HS6ST3: variants seen among roughly 807,000 people sequenced by gnomAD.
HS6ST3 encodes heparan sulfate 6-O-sulfotransferase 3.
In HS6ST3, 12 loss-of-function variants were observed where a neutral mutation model predicts 36.7. The observed-to-expected ratio is 0.33, with a 90% CI of 0.21 to 0.53. The LOEUF (loss-of-function observed/expected upper bound fraction) is 0.53. HS6ST3 is among the 20% of genes least tolerant of loss of function. The pLI is 0.95. For missense variants in HS6ST3, 584 were observed against 640.9 expected, an observed-to-expected ratio of 0.91 and a Z score of 0.96; for synonymous variants, 240 against 257.5, an observed-to-expected ratio of 0.93 and a Z score of 0.65.
At chr13:96,271,335 A>G (rs747781341) in intron 1 of HS6ST3, among the ~76,000 whole-genome samples, 3 of 151,960 alleles carry the variant, frequency 2.0e-5, no homozygotes, top group Non-Finnish European at 2.9e-5. Flanking sequence ...CATATAATTA[A>G]TTTAAAATTT....
chr13:96,619,888 C>T (rs2056487975), intron 1 of HS6ST3, among the ~76,000 whole-genome samples: 1 of 152,152 alleles, frequency 6.6e-6, no homozygotes, highest in South Asian at 2.1e-4. Context: ...ATATCAGTGG[C>T]AGTATTGGTG....
At chr13:96,535,147 G>A (rs2056150206) in intron 1 of HS6ST3, among the ~76,000 whole-genome samples, 1 of 152,094 alleles carries the variant, frequency 6.6e-6, no homozygotes, top group African/African-American at 2.4e-5. Context: ...CTGGGACTGG[G>A]GTAGAAACAT....
chr13:96,645,209 G>A lies in HS6ST3; in HGVS notation c.708-187281G>A, dbSNP rs181795299. 5.2e-3 allele frequency among the ~76,000 whole-genome samples: 791 copies of A among 151,960 alleles called. 8 individuals carry two copies. The highest frequency in any genetic ancestry group is 0.018 in the African/African-American group (753 of 41,490). On this transcript the variant is annotated intron_variant, in intron 1 of 1. Transcript: ENST00000376705. ...GATAGAAAGTTTAGCACAATCTTGG[G>A]TATGTACTAAAGCCAGTTGTGTTCT...
At position 96,366,448 on chromosome 13, in the gene HS6ST3, C is replaced by CAAAT. The variant is rs3086049; in HGVS notation, c.707+274903_707+274906dup. 5.9e-3 allele frequency among the ~76,000 whole-genome samples: 883 copies of CAAAT among 148,598 alleles called. 5 individuals carry two copies. The highest frequency in any genetic ancestry group is 0.018 in the African/African-American group (730 of 40,128). On this transcript the variant is annotated intron_variant, in intron 1 of 1. Coordinates refer to ENST00000376705, the MANE Select transcript of HS6ST3 (RefSeq NM_153456.4). ...TGGGTGACATAGCAAGACCTTGTCT[C>CAAAT]AAATAAATAAATAAATAAATAAATA... is the stretch of plus-strand genomic sequence containing the variant.
chr13:96,376,600 C>G (rs2055316162), intron 1 of HS6ST3, among the ~76,000 whole-genome samples: 2 of 152,152 alleles, frequency 1.3e-5, no homozygotes, highest in Non-Finnish European at 2.9e-5. Flanking sequence ...TCTACCTTTA[C>G]CGTTATCTAT....
chr13:96,271,448 A>C (rs2054719730), intron 1 of HS6ST3, among the ~76,000 whole-genome samples: 1 of 151,942 alleles, frequency 6.6e-6, no homozygotes, highest in Non-Finnish European at 1.5e-5. Flanking sequence ...CACATCACTG[A>C]CAATCACACA....
At chr13:96,510,669 G>T (rs1325919479) in intron 1 of HS6ST3, among the ~76,000 whole-genome samples, 1 of 152,008 alleles carries the variant, frequency 6.6e-6, no homozygotes, top group African/African-American at 2.4e-5. Context: ...GATTGTTCCT[G>T]CTCCTTAGTT....
chr13:96,278,148 T>C (rs1024717049), intron 1 of HS6ST3, among the ~76,000 whole-genome samples: 1 of 152,088 alleles, frequency 6.6e-6, no homozygotes, highest in Non-Finnish European at 1.5e-5. Flanking sequence ...CTCCCAGGAG[T>C]AGAACTGCCA....
intron 1 of HS6ST3, among the ~76,000 whole-genome samples, chr13:96,457,685 G>A (rs1016872377): frequency 6.6e-6 from 1 of 152,060 alleles, no homozygotes; most frequent in Non-Finnish European, 1.5e-5. Context: ...TGCTTAGTTT[G>A]CCCTCTGCTG....
At chr13:96,346,403 T>C (rs560571745) in intron 1 of HS6ST3, among the ~76,000 whole-genome samples, 1 of 152,022 alleles carries the variant, frequency 6.6e-6, no homozygotes, top group East Asian at 1.9e-4. Flanking sequence ...TGAAACCCTA[T>C]CTCTCCTAAA....
rs2139289515 is a variant in HS6ST3, at chr13:96,091,373, C to T, written c.511C>T (p.Leu171=). 6.2e-7 allele frequency: 1 copy of T among 1,614,056 alleles called. No individual in the cohort carries two copies. The highest frequency in any genetic ancestry group is 2.2e-5 in the East Asian group (1 of 44,842). Residue 171 remains leucine (L), a synonymous_variant, in exon 1 of 2, where the codon CTG becomes TTG. Transcript: ENST00000376705. Reference sequence around the variant, plus strand: ...CCGGCACCTGGTGAAGAACATCCGGCTGGAGCAGCCTTGTAGCTGCAAAGC... The same window carrying T: ...CCGGCACCTGGTGAAGAACATCCGGTTGGAGCAGCCTTGTAGCTGCAAAGC... The part of the protein sequence containing the change: ...FGRHLVKNIR[L]EQPCSCKAGQ...
intron 1 of HS6ST3, among the ~76,000 whole-genome samples, chr13:96,518,158 T>A (rs1420630765): frequency 6.6e-6 from 1 of 152,180 alleles, no homozygotes; most frequent in Non-Finnish European, 1.5e-5. Flanking sequence ...ACCATTTGGG[T>A]TTCCTTGAAA....
chr13:96,231,563 C>G (rs1001369412), intron 1 of HS6ST3, among the ~76,000 whole-genome samples: 1 of 152,020 alleles, frequency 6.6e-6, no homozygotes, highest in Non-Finnish European at 1.5e-5. Context: ...CTCATGATAA[C>G]TCACTATCAT....
chr13:96,662,010 C>G (rs1305469678), intron 1 of HS6ST3, among the ~76,000 whole-genome samples: 1 of 152,074 alleles, frequency 6.6e-6, no homozygotes, highest in Admixed American at 6.6e-5. Flanking sequence ...TGATGCTTCT[C>G]TCTTACTGAT....
chr13:96,561,831 C>T lies in HS6ST3; in HGVS notation c.708-270659C>T, dbSNP rs12876834. ...GCAAATCAAAACCACAATGAGATAC[C>T]ATTTCACATCAGTCAGAATGTCTGT... On this transcript the variant is annotated intron_variant, in intron 1 of 1. Transcript: ENST00000376705. Among the ~76,000 whole-genome samples the T allele has an allele frequency of 8.6e-4, 131 of 152,230 alleles. 2 individuals are homozygous for T. Among genetic ancestry groups the T allele is most frequent in the South Asian group, 1.4e-3 (7 of 4,828 alleles).
intron 1 of HS6ST3, among the ~76,000 whole-genome samples, chr13:96,110,781 T>C (rs1223841992): frequency 2.6e-5 from 4 of 152,168 alleles, no homozygotes; most frequent in African/African-American, 9.7e-5. Context: ...TGTATCAACC[T>C]TTTTGGAGGA....
intron 1 of HS6ST3, among the ~76,000 whole-genome samples, chr13:96,365,940 A>G (rs770009180): frequency 1.3e-5 from 2 of 152,154 alleles, no homozygotes; most frequent in Non-Finnish European, 2.9e-5. Flanking sequence ...TTTTAGTAAG[A>G]CGACTCCATA....
chr13:96,374,708 AG>A (rs1373241576), intron 1 of HS6ST3, among the ~76,000 whole-genome samples: 1 of 152,140 alleles, frequency 6.6e-6, no homozygotes. Context: ...CATCACAAAA[AG>A]GTCACTATAC....
At chr13:96,358,049 C>T (rs998097689) in intron 1 of HS6ST3, among the ~76,000 whole-genome samples, 4 of 152,018 alleles carry the variant, frequency 2.6e-5, no homozygotes, top group South Asian at 2.1e-4. Context: ...ACCTTCAATT[C>T]GTAAAAAAAG....
Sources: gnomAD v4.1 joint callset for allele counts (sites outside exome capture counted in the v4.1 genomes callset) on GRCh38, gnomAD v4.1.1 for gene constraint, MANE v1.5 for transcripts, NCBI Gene and HGNC (gene_info 2026-07-23, HGNC 2026-07-21) for gene names.